The following CPVL variants were observed in gnomAD, a reference collection of about 807,000 sequenced individuals.
The protein encoded by CPVL is probable serine carboxypeptidase CPVL.
In CPVL, 51 loss-of-function variants were observed where a neutral mutation model predicts 63.7. The observed-to-expected ratio is 0.80, with a 90% CI of 0.64 to 1.01. The LOEUF (loss-of-function observed/expected upper bound fraction) is 1.01, where lower values mean the gene tolerates loss of function less well. Ranked by LOEUF, CPVL falls within the 50% of genes least tolerant of loss-of-function variation. The pLI, the probability that CPVL is intolerant of heterozygous loss-of-function variation, is 0.00. For missense variants in CPVL, 530 were observed against 573.1 expected, an observed-to-expected ratio of 0.92 and a Z score of 0.77; for synonymous variants, 195 against 206.0, an observed-to-expected ratio of 0.95 and a Z score of 0.46.
At chr7:29,111,738 A>G (rs1195150803) in intron 3 of CPVL, among the ~76,000 whole-genome samples, 1 of 152,214 alleles carries the variant, frequency 6.6e-6, no homozygotes, top group Non-Finnish European at 1.5e-5. Flanking sequence ...ATATAACTCA[A>G]TAGTACCAGG....
At chr7:29,048,673 G>GA (rs1320329061) in intron 11 of CPVL, among the ~76,000 whole-genome samples, 1 of 151,708 alleles carries the variant, frequency 6.6e-6, no homozygotes, top group African/African-American at 2.4e-5. Context: ...CTATACCTTG[G>GA]AAAAAACAGA....
upstream of CPVL, chr7:29,146,637 C>T: frequency 1.9e-6 from 3 of 1,550,544 alleles, no homozygotes; most frequent in Non-Finnish European, 8.7e-7. Context: ...ACCTCCTGGT[C>T]CCAGAAACCT....
intron 7 of CPVL, among the ~76,000 whole-genome samples, chr7:29,078,934 T>C (rs1356472461): frequency 6.6e-6 from 1 of 152,228 alleles, no homozygotes; most frequent in African/African-American, 2.4e-5. Flanking sequence ...TGAACATAAC[T>C]GAAAATAGAG....
intron 5 of CPVL, among the ~76,000 whole-genome samples, chr7:29,160,032 G>A (rs1274471688): frequency 6.6e-6 from 1 of 152,174 alleles, no homozygotes; most frequent in Non-Finnish European, 1.5e-5. Context: ...GTGTTGTGGA[G>A]AGCCAATCTT....
At chr7:28,998,112 G>A (rs1784272205) in intron 12 of CPVL, among the ~76,000 whole-genome samples, 1 of 152,106 alleles carries the variant, frequency 6.6e-6, no homozygotes, top group Admixed American at 6.5e-5. Flanking sequence ...GGAAACTTTT[G>A]CCGCCCCGCA....
chr7:29,176,323 C>T (rs373525453), intron 5 of CPVL, among the ~76,000 whole-genome samples: 3 of 152,124 alleles, frequency 2.0e-5, no homozygotes, highest in African/African-American at 7.2e-5. Flanking sequence ...TTTAGATACA[C>T]TGTAGGAAAG....
At chr7:29,113,510 G>C (rs1562775619) in intron 2 of CPVL, among the ~76,000 whole-genome samples, 1 of 152,164 alleles carries the variant, frequency 6.6e-6, no homozygotes, top group Non-Finnish European at 1.5e-5. Flanking sequence ...GCACAGGGAA[G>C]GAGTAATTGG....
At chr7:29,125,698 T>C (rs6947311) in intron 1 of CPVL, among the ~76,000 whole-genome samples, 3,306 of 152,220 alleles carry the variant, frequency 0.022, 133 homozygotes, top group African/African-American at 0.075. Context: ...CGGCCTACTC[T>C]CCCACCTTTA....
chr7:29,019,446 A>G (rs941164069), intron 12 of CPVL, among the ~76,000 whole-genome samples: 1 of 152,144 alleles, frequency 6.6e-6, no homozygotes, highest in African/African-American at 2.4e-5. Context: ...GCATGGCTTG[A>G]TGTGAATACA....
At chr7:28,996,724 C>G (rs980107488) in intron 12 of CPVL, among the ~76,000 whole-genome samples, 3 of 152,110 alleles carry the variant, frequency 2.0e-5, no homozygotes, top group Non-Finnish European at 2.9e-5. Flanking sequence ...CATGAACTTT[C>G]ACTTTACTTG....
intron 11 of CPVL, among the ~76,000 whole-genome samples, chr7:29,055,506 C>T (rs1285357571): frequency 6.8e-6 from 1 of 147,258 alleles, no homozygotes; most frequent in Non-Finnish European, 1.5e-5. Flanking sequence ...CCACCTCAGC[C>T]TCCCAAAGCA....
intron 2 of CPVL, among the ~76,000 whole-genome samples, chr7:29,113,239 GCT>G (rs2128631794): frequency 6.6e-6 from 1 of 152,242 alleles, no homozygotes; most frequent in Admixed American, 6.5e-5. Flanking sequence ...TGGTGAAGCA[GCT>G]CTCGGCCTCG....
rs1783832071 is a variant in CPVL at position 29,072,338 on chromosome 7, C to T, written c.695G>A (p.Gly232Glu). The stretch of plus-strand genomic sequence containing the variant: ...AGAATATCCATCTCCAATAGCAATT[C>T]CGTTCAGGTTGATCTTCACCTCTCT... ...PVREVKINLN[G>E]IAIGDGYSDP... is the part of the protein sequence containing the mutation. Residue 232 changes from glycine to glutamate, a missense_variant, in exon 8 of 13, where the codon GGA becomes GAA. Gly to Glu is a moderately conservative substitution (Grantham distance 98). Transcript: ENST00000265394. 6.2e-7 allele frequency: 1 copy of T among 1,613,968 alleles called. No individual in the cohort carries two copies. Among genetic ancestry groups the T allele is most frequent in the African/African-American group, 1.3e-5 (1 of 74,892 alleles).
intron 1 of CPVL, among the ~76,000 whole-genome samples, chr7:29,188,436 T>A (rs1365430753): frequency 1.3e-5 from 2 of 152,214 alleles, no homozygotes; most frequent in East Asian, 3.8e-4. Flanking sequence ...CTGGAATATT[T>A]GTAAAAGGCC....
At chr7:29,168,383 A>G (rs934194884) in intron 5 of CPVL, among the ~76,000 whole-genome samples, 11 of 152,124 alleles carry the variant, frequency 7.2e-5, no homozygotes, top group African/African-American at 2.4e-4. Flanking sequence ...AAAACTTTTT[A>G]TCTTAGAAAA....
intron 11 of CPVL, among the ~76,000 whole-genome samples, chr7:29,037,620 G>A (rs1191734647): frequency 6.6e-6 from 1 of 150,816 alleles, no homozygotes; most frequent in South Asian, 2.1e-4. Flanking sequence ...TATGAAACAT[G>A]ATGCATGTGA....
intron 9 of CPVL, among the ~76,000 whole-genome samples, chr7:29,070,229 T>C (rs1340263714): frequency 6.6e-6 from 1 of 152,202 alleles, no homozygotes; most frequent in East Asian, 1.9e-4. Context: ...TCGTGGGTCA[T>C]GTTCTCATTA....
At position 29,064,224 on chromosome 7, in the gene CPVL, T is replaced by A. The variant is rs1277344718; in HGVS notation, c.974A>T (p.Asp325Val). The part of the protein sequence containing the change: ...YNFLRCTEPE[D>V]QLYYVKFLSL... ...CAAAAATTTCACATAGTAAAGCTGA[T>A]CCTCAGGTTCCTGGCAGAAGGGGCA... is the stretch of plus-strand genomic sequence containing the variant. Residue 325 changes from aspartate (D) to valine (V), a missense_variant, in exon 11 of 13, where the codon GAT becomes GTT. By Grantham distance (152) the Asp-to-Val change is radical. Coordinates refer to ENST00000265394, the MANE Select transcript of CPVL (RefSeq NM_031311.5). The A allele has an allele frequency of 6.2e-7, 1 of 1,610,732 alleles. No individual in the cohort carries two copies. The highest frequency in any genetic ancestry group is 1.1e-5 in the South Asian group (1 of 90,892).
rs201490909 is a variant in CPVL, at chr7:29,109,401, A to ATGACC, written c.288+3302_288+3303insGGTCA. ...TATTTTCTCTACCTTCAGTTTTTTAAAGGGGTCATTTCTCCCCTGGTGACA... is the reference window on the plus strand; with the variant it reads ...TATTTTCTCTACCTTCAGTTTTTTAATGACCAGGGGTCATTTCTCCCCTGGTGACA... On this transcript the variant is annotated intron_variant, in intron 3 of 12. Transcript: ENST00000265394. 8.7e-3 allele frequency among the ~76,000 whole-genome samples: 1,325 copies of ATGACC among 152,280 alleles called. 8 individuals carry two copies. The highest frequency in any genetic ancestry group is 0.016 in the Admixed American group (243 of 15,288).
Sources: gnomAD v4.1 joint callset for allele counts (sites outside exome capture counted in the v4.1 genomes callset) on GRCh38, gnomAD v4.1.1 for gene constraint, MANE v1.5 for transcripts, NCBI Gene and HGNC (gene_info 2026-07-23, HGNC 2026-07-21) for gene names.